The following FRMD6 variants were observed in gnomAD, a reference collection of about 807,000 sequenced individuals.
FRMD6 encodes the protein FERM domain containing 6, also known as FERM domain-containing protein 6.
Under a neutral mutation model 73.2 loss-of-function variants are expected in FRMD6, and 37 were observed. The observed-to-expected ratio is 0.51, with a 90% CI of 0.39 to 0.66. The LOEUF is 0.66. Among genes scored for constraint, FRMD6 ranks in the 30% least tolerant of loss-of-function variants. The pLI is 0.00. For missense variants in FRMD6, 714 were observed against 780.5 expected, an observed-to-expected ratio of 0.91 and a Z score of 1.02; for synonymous variants, 273 against 282.2, an observed-to-expected ratio of 0.97 and a Z score of 0.33.
intron 2 of FRMD6, among the ~76,000 whole-genome samples, chr14:51,588,493 T>G (rs1381201690): frequency 6.6e-6 from 1 of 152,110 alleles, no homozygotes; most frequent in East Asian, 1.9e-4. Flanking sequence ...AATTATAAAT[T>G]ATAAATACAA....
the FRMD6 span, among the ~76,000 whole-genome samples, chr14:51,465,204 T>C: frequency 6.6e-6 from 1 of 152,238 alleles, no homozygotes; most frequent in Non-Finnish European, 1.5e-5. Flanking sequence ...ATAATGCTAT[T>C]TTTAGGTTTA....
At chr14:51,459,145 CA>C in the FRMD6 span, among the ~76,000 whole-genome samples, 1 of 152,328 alleles carries the variant, frequency 6.6e-6, no homozygotes, top group Non-Finnish European at 1.5e-5. Flanking sequence ...AACTGAAATC[CA>C]CTGGTTTTAC....
intron 2 of FRMD6, among the ~76,000 whole-genome samples, chr14:51,645,286 A>T (rs1193048699): frequency 6.6e-6 from 1 of 152,200 alleles, no homozygotes; most frequent in African/African-American, 2.4e-5. Context: ...CCTTTCATCC[A>T]ACCAGTTAGT....
chr14:51,552,553 C>T (rs1425991236), intron 1 of FRMD6, among the ~76,000 whole-genome samples: 2 of 152,200 alleles, frequency 1.3e-5, no homozygotes, highest in African/African-American at 4.8e-5. Context: ...GACGGAGAGT[C>T]AGCGTTCACC....
At chr14:51,714,701 T>G (rs1897149503) in intron 9 of FRMD6, 1 of 152,238 alleles carries the variant, frequency 6.6e-6, no homozygotes, top group South Asian at 2.1e-4. Context: ...TTTCCATTTC[T>G]TCTAAACCCC....
chr14:51,713,785 G>A (rs2140544512), intron 9 of FRMD6: 1 of 152,204 alleles, frequency 6.6e-6, no homozygotes, highest in African/African-American at 2.4e-5. Context: ...CCTCCTAACT[G>A]GCTCTTTTTT....
chr14:51,587,242 T>G (rs1448984320), intron 2 of FRMD6, among the ~76,000 whole-genome samples: 1 of 152,224 alleles, frequency 6.6e-6, no homozygotes, highest in African/African-American at 2.4e-5. Context: ...CCTATTCTGT[T>G]CCATTGATCT....
chr14:51,417,970 T>C, the FRMD6 span, among the ~76,000 whole-genome samples: 1,971 of 152,318 alleles, frequency 0.013, 42 homozygotes, highest in African/African-American at 0.045. Context: ...GCATGTGTCA[T>C]GTAGTTCTTG....
chr14:51,415,841 G>A, the FRMD6 span, among the ~76,000 whole-genome samples: 1 of 152,146 alleles, frequency 6.6e-6, no homozygotes. Flanking sequence ...GCCTGTTATT[G>A]GTCTATTCAG....
At chr14:51,591,825 G>A (rs1307534549) in intron 2 of FRMD6, among the ~76,000 whole-genome samples, 2 of 152,210 alleles carry the variant, frequency 1.3e-5, no homozygotes, top group Admixed American at 6.5e-5. Context: ...ACAGGTGTGA[G>A]CCACCACATC....
chr14:51,569,849 T>C (rs1888010198), intron 1 of FRMD6, among the ~76,000 whole-genome samples: 1 of 150,728 alleles, frequency 6.6e-6, no homozygotes, highest in Non-Finnish European at 1.5e-5. Flanking sequence ...ACCGTCTGGC[T>C]CTGTCGCCCA....
At chr14:51,550,583 C>CCG (rs1555374775) in intron 1 of FRMD6, among the ~76,000 whole-genome samples, 1 of 149,554 alleles carries the variant, frequency 6.7e-6, no homozygotes, top group Admixed American at 6.6e-5. Context: ...GGAGGAGACC[C>CCG]CCCCGCCATG....
the FRMD6 span, among the ~76,000 whole-genome samples, chr14:51,473,707 C>T: frequency 4.0e-4 from 61 of 152,284 alleles, no homozygotes; most frequent in Non-Finnish European, 5.6e-4. Flanking sequence ...GTACTTTCTC[C>T]GCCTACCCCT....
At chr14:51,448,184 A>G in the FRMD6 span, among the ~76,000 whole-genome samples, 10 of 152,278 alleles carry the variant, frequency 6.6e-5, no homozygotes, top group East Asian at 1.5e-3. Flanking sequence ...ATCTCTTTGA[A>G]TATTATTTCT....
chr14:51,565,909 A>G (rs1887745721), intron 1 of FRMD6, among the ~76,000 whole-genome samples: 1 of 152,208 alleles, frequency 6.6e-6, no homozygotes, highest in Non-Finnish European at 1.5e-5. Context: ...TCACGCCTGT[A>G]ATCCCAGCAC....
In FRMD6 at chr14:51,594,338, A is replaced by ATTTT. The variant is rs869252792; in HGVS notation, c.-147+23932_-147+23935dup. On this transcript the variant is annotated intron_variant, in intron 2 of 14. Coordinates refer to the FRMD6 transcript ENST00000356218. ...TATTTATTTATTTATTTATTTATTT[A>ATTTT]TTTTTTTGAGACGGAGTTTCACTCT... Among the ~76,000 whole-genome samples the ATTTT allele has an allele frequency of 1.0e-3, 122 of 117,896 alleles. 1 individual carries two copies. The highest frequency in any genetic ancestry group is 2.9e-3 in the African/African-American group (103 of 35,030). The allele number at this position is 117,896 out of a possible 152,430, so 77.3% of individuals were successfully genotyped here.
chr14:51,689,959 T>A, intron 2 of FRMD6, 24 bp downstream of exon 2: 2 of 1,433,624 alleles, frequency 1.4e-6, no homozygotes. Flanking sequence ...GTTTTAGAAA[T>A]GTCTAAATAT....
At chr14:51,424,066 T>C in the FRMD6 span, among the ~76,000 whole-genome samples, 7 of 152,216 alleles carry the variant, frequency 4.6e-5, no homozygotes, top group African/African-American at 1.7e-4. Context: ...ACTGAAAAAT[T>C]GGGCAGTAAT....
the FRMD6 span, among the ~76,000 whole-genome samples, chr14:51,462,312 C>CG: frequency 1.3e-5 from 2 of 152,138 alleles, no homozygotes; most frequent in Admixed American, 6.5e-5. Context: ...ATACCTGCCT[C>CG]GGGGGGTTGT....
Sources: allele counts gnomAD v4.1 joint callset (sites outside exome capture counted in the v4.1 genomes callset), GRCh38; gene constraint gnomAD v4.1.1; transcripts MANE v1.5; gene names NCBI Gene and HGNC (gene_info 2026-07-23, HGNC 2026-07-21).